DCC: variants seen among roughly 807,000 people sequenced by gnomAD.
DCC encodes netrin receptor DCC.
Under a neutral mutation model 172.5 loss-of-function variants are expected in DCC, and 58 were observed. The ratio of observed to expected loss-of-function variants is 0.34; its 90% confidence interval spans 0.27 to 0.42. The LOEUF (loss-of-function observed/expected upper bound fraction) is 0.42, where lower values mean the gene tolerates loss of function less well. Among genes scored for constraint, DCC ranks in the 10% least tolerant of loss-of-function variants. The pLI is 1.00. For missense variants in DCC, 1,740 were observed against 1,791.0 expected (o/e 0.97, Z 0.51); for synonymous variants, 709 against 644.5 (o/e 1.10, Z -1.52).
chr18:53,173,189 A>G (rs760082076), intron 8 of DCC, among the ~76,000 whole-genome samples: 5 of 152,100 alleles, frequency 3.3e-5, no homozygotes, highest in Non-Finnish European at 4.4e-5. Flanking sequence ...TATGTGGCAA[A>G]TGGGAGCATT....
chr18:52,855,082 G>C (rs58604490), intron 2 of DCC, among the ~76,000 whole-genome samples: 15,075 of 152,172 alleles, frequency 0.099, 797 homozygotes, highest in South Asian at 0.2. Flanking sequence ...GGGTGTCTTC[G>C]GCTTCTTGTA....
intron 5 of DCC, among the ~76,000 whole-genome samples, chr18:52,970,555 A>G (rs968562672): frequency 2.6e-5 from 4 of 152,202 alleles, no homozygotes; most frequent in Non-Finnish European, 2.9e-5. Context: ...TGTTTAGAAT[A>G]TGGTATAAAT....
intron 5 of DCC, among the ~76,000 whole-genome samples, chr18:52,989,218 ATATTT>A: frequency 6.6e-6 from 1 of 152,252 alleles, no homozygotes; most frequent in East Asian, 1.9e-4. Flanking sequence ...ATTAAAAAAT[ATATTT>A]TATAAGATTG....
chr18:53,203,331 C>T (rs142980938), intron 9 of DCC, among the ~76,000 whole-genome samples: 99 of 151,780 alleles, frequency 6.5e-4, no homozygotes, highest in African/African-American at 2.2e-3. Context: ...GGAAACATGG[C>T]TGTTCTATGC....
chr18:53,391,296 T>G (rs752455817), intron 16 of DCC, among the ~76,000 whole-genome samples: 110 of 152,146 alleles, frequency 7.2e-4, no homozygotes, highest in Admixed American at 2.0e-3. Flanking sequence ...TATTTTAAAT[T>G]ATATAGTAAT....
At chr18:53,052,254 C>T (rs1240553094) in intron 5 of DCC, among the ~76,000 whole-genome samples, 2 of 152,014 alleles carry the variant, frequency 1.3e-5, no homozygotes. Context: ...ACCTCTAGCT[C>T]TATTGAATTT....
intron 7 of DCC, among the ~76,000 whole-genome samples, chr18:53,081,976 C>T (rs924118618): frequency 6.6e-6 from 1 of 152,012 alleles, no homozygotes; most frequent in Non-Finnish European, 1.5e-5. Flanking sequence ...TTCTCTAAGG[C>T]ACCGTAGATG....
intron 2 of DCC, among the ~76,000 whole-genome samples, chr18:52,780,889 T>C (rs1324154816): frequency 2.0e-5 from 3 of 152,082 alleles, no homozygotes; most frequent in Non-Finnish European, 2.9e-5. Context: ...GAGAGAAGTC[T>C]TAGGTGGTGA....
At chr18:53,263,697 G>A (rs972050143) in intron 12 of DCC, among the ~76,000 whole-genome samples, 1 of 151,910 alleles carries the variant, frequency 6.6e-6, no homozygotes. Flanking sequence ...GTGCAATATA[G>A]TTTTGGTTTT....
At chr18:52,475,138 G>A (rs1388429189) in intron 1 of DCC, among the ~76,000 whole-genome samples, 1 of 152,152 alleles carries the variant, frequency 6.6e-6, no homozygotes, top group East Asian at 1.9e-4. Flanking sequence ...CCCAGGAAAT[G>A]TTTCATCTAT....
intron 3 of DCC, among the ~76,000 whole-genome samples, chr18:52,922,475 G>C (rs1046010235): frequency 6.6e-6 from 1 of 152,076 alleles, no homozygotes; most frequent in Non-Finnish European, 1.5e-5. Context: ...CTCACTCAGC[G>C]ATTCTCCTCA....
Position 53,222,046 on chromosome 18 carries a change from C to T in DCC, c.1911+6449C>T, listed in dbSNP as rs565187144. Among the ~76,000 whole-genome samples the T allele has an allele frequency of 3.3e-5, 5 of 152,242 alleles. No homozygotes were observed. In the South Asian group the frequency reaches 1.0e-3, roughly 32 times the overall value. On this transcript the variant is annotated intron_variant, in intron 12 of 28. Coordinates refer to ENST00000442544, the MANE Select transcript of DCC (RefSeq NM_005215.4). The stretch of plus-strand genomic sequence containing the variant: ...TCAGAATTTAGACCAGAGCTCCTGA[C>T]CAGTTGCTAAATTGATTCTTAGACT...
chr18:53,315,959 C>T (rs1459334334), intron 13 of DCC, among the ~76,000 whole-genome samples: 1 of 152,168 alleles, frequency 6.6e-6, no homozygotes, highest in Non-Finnish European at 1.5e-5. Context: ...TGTGCAGAAG[C>T]TCTTTAGTTT....
In DCC at chr18:53,141,048, A is replaced by G. The variant is rs115095449; in HGVS notation, c.1262-16308A>G. Among the ~76,000 whole-genome samples, 1,214 of 152,250 alleles carry G rather than the reference A, an allele frequency of 8.0e-3. 18 individuals carry two copies. Among genetic ancestry groups the G allele is most frequent in the African/African-American group, 0.027 (1,137 of 41,560 alleles). ...TTCAGTACACATCCCTAAATTTTGC[A>G]GTTGGTGTCAGAGTCAGTCAAATGT... On this transcript the variant is annotated intron_variant, in intron 7 of 28. Transcript: ENST00000442544.
At chr18:53,201,343 A>G (rs992729132) in intron 9 of DCC, among the ~76,000 whole-genome samples, 3 of 152,154 alleles carry the variant, frequency 2.0e-5, no homozygotes, top group African/African-American at 7.2e-5. Flanking sequence ...AAGAAGGAAC[A>G]CATTCAATGA....
At chr18:53,446,986 G>T (rs577939023) in intron 22 of DCC, among the ~76,000 whole-genome samples, 1 of 152,210 alleles carries the variant, frequency 6.6e-6, no homozygotes, top group African/African-American at 2.4e-5. Context: ...GAAAAGCTTT[G>T]CTCAGGCATT....
chr18:53,088,961 A>C lies in DCC; in HGVS notation c.1261+22795A>C, dbSNP rs117167253. Among the ~76,000 whole-genome samples, 851 of 152,370 alleles carry C rather than the reference A, an allele frequency of 5.6e-3. 6 individuals are homozygous for C. Among genetic ancestry groups the C allele is most frequent in the Admixed American group, 0.023 (346 of 15,310 alleles). On this transcript the variant is annotated intron_variant, in intron 7 of 28. Transcript: ENST00000442544. ...TTGATAATATGAATATGCTCTAATA[A>C]GTAACTCTATGCAGTTGTGTATTAC...
chr18:53,181,585 AT>A (rs1190642872), intron 9 of DCC, among the ~76,000 whole-genome samples: 1 of 152,114 alleles, frequency 6.6e-6, no homozygotes, highest in Non-Finnish European at 1.5e-5. Flanking sequence ...AAGAATAATG[AT>A]TTTTTTGTAT....
intron 2 of DCC, among the ~76,000 whole-genome samples, chr18:52,851,007 A>G (rs2038967443): frequency 6.6e-6 from 1 of 151,830 alleles, no homozygotes; most frequent in Non-Finnish European, 1.5e-5. Flanking sequence ...CTATTAATGA[A>G]CAATTAAACG....
Sources: gnomAD v4.1 joint callset for allele counts (sites outside exome capture counted in the v4.1 genomes callset) on GRCh38, gnomAD v4.1.1 for gene constraint, MANE v1.5 for transcripts, NCBI Gene and HGNC (gene_info 2026-07-23, HGNC 2026-07-21) for gene names.